Variants in PCDHGB3 observed in about 807,000 individuals in gnomAD.
PCDHGB3 encodes the protein protocadherin gamma subfamily B, 3, also known as protocadherin gamma-B3.
A neutral mutation model predicts 59.2 loss-of-function variants in PCDHGB3; 40 were observed. The observed-to-expected ratio is 0.68, with a 90% CI of 0.52 to 0.88. PCDHGB3 has a LOEUF of 0.88. PCDHGB3 is among the 40% of genes least tolerant of loss of function. The pLI, the probability that PCDHGB3 is intolerant of heterozygous loss-of-function variation, is 0.00. For missense variants in PCDHGB3, 1,309 were observed against 1,187.9 expected, an observed-to-expected ratio of 1.10 and a Z score of -1.50; for synonymous variants, 581 against 503.6, an observed-to-expected ratio of 1.15 and a Z score of -2.06.
chr5:141,461,813 C>T (rs2099023751), intron 1 of PCDHGB3, among the ~76,000 whole-genome samples: 1 of 151,846 alleles, frequency 6.6e-6, no homozygotes, highest in African/African-American at 2.4e-5. Flanking sequence ...ACCACCACAC[C>T]CAGCTAATTT....
intron 1 of PCDHGB3, chr5:141,392,568 T>G: frequency 2.3e-6 from 1 of 442,486 alleles, no homozygotes; most frequent in South Asian, 4.4e-5. Flanking sequence ...CAGTAACTAT[T>G]TAGGACTGTA....
At chr5:141,386,934 T>C (rs568938502) in intron 1 of PCDHGB3, among the ~76,000 whole-genome samples, 1 of 152,316 alleles carries the variant, frequency 6.6e-6, no homozygotes, top group Non-Finnish European at 1.5e-5. Flanking sequence ...AGTGCAGAGG[T>C]AGGAAGCAGT....
At position 141,493,223 on chromosome 5, in the gene PCDHGB3, A is replaced by G. The variant is rs2099747083; in HGVS notation, c.2416-1584A>G. Among the ~76,000 whole-genome samples, 1 of 152,142 alleles carries G rather than the reference A, an allele frequency of 6.6e-6. No homozygotes were observed. The highest frequency in any genetic ancestry group is 6.6e-5 in the Admixed American group (1 of 15,262). On this transcript the variant is annotated intron_variant, in intron 1 of 3. Transcript: ENST00000576222. The surrounding 1 kb of genome is among the most constrained non-coding windows in gnomAD (Gnocchi z 4.3). ...CCTCATCTCATTTGCTCTTCCCACC[A>G]TTGCTGTTGGCTAGGTACTAACATG...
At chr5:141,470,723 G>T (rs1326927605) in intron 1 of PCDHGB3, among the ~76,000 whole-genome samples, 1 of 151,852 alleles carries the variant, frequency 6.6e-6, no homozygotes, top group East Asian at 1.9e-4. Flanking sequence ...TTTGAGTCAG[G>T]GTCTTGCTCT....
At chr5:141,380,956 A>G (rs1776884378) in intron 1 of PCDHGB3, among the ~76,000 whole-genome samples, 1 of 152,252 alleles carries the variant, frequency 6.6e-6, no homozygotes, top group African/African-American at 2.4e-5. Context: ...CAAGAAGTTC[A>G]AAAGTACTAT....
At chr5:141,508,830 C>G (rs1320903059) in intron 3 of PCDHGB3, among the ~76,000 whole-genome samples, 2 of 152,150 alleles carry the variant, frequency 1.3e-5, no homozygotes, top group Non-Finnish European at 2.9e-5. Flanking sequence ...CTGGGCCCCC[C>G]TCCCCTACCC....
At chr5:141,469,079 C>T (rs1169035651) in intron 1 of PCDHGB3, among the ~76,000 whole-genome samples, 1 of 151,492 alleles carries the variant, frequency 6.6e-6, no homozygotes, top group Non-Finnish European at 1.5e-5. Context: ...GAGTTTGAGA[C>T]CATTCTAGGC....
Position 141,486,388 on chromosome 5 carries a change from C to T in PCDHGB3, c.2416-8419C>T, listed in dbSNP as rs2099628930. ...TCAAGTCTGCCTTCAGGAACCAGTT[C>T]TCCCTGGTGACTGCTGGACCCTTGG... On this transcript the variant is annotated intron_variant, in intron 1 of 3. Coordinates refer to ENST00000576222, the MANE Select transcript of PCDHGB3 (RefSeq NM_018924.5). This position sits in a 1 kb window ranked among gnomAD's most constrained non-coding sequence, Gnocchi z 5.0. 2 of 1,613,988 alleles carry T rather than the reference C, an allele frequency of 1.2e-6. No individual in the cohort carries two copies. The highest frequency in any genetic ancestry group is 2.7e-5 in the African/African-American group (2 of 74,924).
At chr5:141,429,875 A>G (rs959789833) in intron 1 of PCDHGB3, among the ~76,000 whole-genome samples, 3 of 152,322 alleles carry the variant, frequency 2.0e-5, no homozygotes, top group Middle Eastern at 6.8e-3. Context: ...ATTTTCTTTT[A>G]CTAAGTTTCC....
intron 1 of PCDHGB3, chr5:141,377,896 G>A (rs1774450136): frequency 6.6e-6 from 1 of 152,142 alleles, no homozygotes; most frequent in African/African-American, 2.4e-5. Context: ...ATCCCCCTCT[G>A]TTGCCCAGTC....
chr5:141,497,062 A>C (rs779414748), intron 2 of PCDHGB3, among the ~76,000 whole-genome samples: 6 of 152,024 alleles, frequency 3.9e-5, no homozygotes, highest in Non-Finnish European at 7.4e-5. Flanking sequence ...GGTGGCAGGC[A>C]CCTGTAATCC....
At chr5:141,484,921 T>A in intron 1 of PCDHGB3, 1 of 478,304 alleles carries the variant, frequency 2.1e-6, no homozygotes, top group South Asian at 2.8e-5. Flanking sequence ...TTAACCCTGC[T>A]GCTGTTGGGA....
intron 2 of PCDHGB3, among the ~76,000 whole-genome samples, chr5:141,499,689 CTT>C (rs545067566): frequency 7.5e-5 from 9 of 119,852 alleles, no homozygotes; most frequent in African/African-American, 9.3e-5. Flanking sequence ...TAACAGATGA[CTT>C]TTTTTTTTTT....
intron 1 of PCDHGB3, among the ~76,000 whole-genome samples, chr5:141,451,429 G>A (rs577699188): frequency 1.3e-3 from 195 of 152,306 alleles, no homozygotes; most frequent in African/African-American, 4.5e-3. Flanking sequence ...TAGACTAAGG[G>A]TTCCAGTTCC....
At chr5:141,418,072 G>A in intron 1 of PCDHGB3, 1 of 1,614,058 alleles carries the variant, frequency 6.2e-7, no homozygotes, top group Non-Finnish European at 8.5e-7. Context: ...TGAGCGCGGA[G>A]AAGCTGCACT....
intron 1 of PCDHGB3, chr5:141,423,753 G>GC (rs1489142243): frequency 4.8e-6 from 3 of 626,014 alleles, no homozygotes; most frequent in African/African-American, 5.1e-5. Context: ...AACTGTTTGG[G>GC]GGGGGGGTGG....
intron 1 of PCDHGB3, chr5:141,388,238 C>T (rs546808390): frequency 4.8e-5 from 77 of 1,607,582 alleles, no homozygotes; most frequent in Non-Finnish European, 6.4e-5. Flanking sequence ...ACTTTTATCA[C>T]GTGAATGTGG....
intron 1 of PCDHGB3, chr5:141,442,380 T>G (rs1235241143): frequency 2.6e-5 from 4 of 152,244 alleles, no homozygotes; most frequent in Non-Finnish European, 4.4e-5. Flanking sequence ...TCCTACCAGG[T>G]GTGTGCTTCT....
At chr5:141,455,920 C>T (rs941360102) in intron 1 of PCDHGB3, among the ~76,000 whole-genome samples, 1 of 147,944 alleles carries the variant, frequency 6.8e-6, no homozygotes, top group Non-Finnish European at 1.5e-5. Context: ...TATTTTGAGA[C>T]GGAGTCTCGC....
Sources: allele counts gnomAD v4.1 joint callset (sites outside exome capture counted in the v4.1 genomes callset), GRCh38; gene constraint gnomAD v4.1.1; non-coding constraint Gnocchi (gnomAD v3.1); transcripts MANE v1.5; gene names NCBI Gene and HGNC (gene_info 2026-07-23, HGNC 2026-07-21).